The following CLCN2 variants were observed in gnomAD, a reference collection of about 807,000 sequenced individuals.
The protein encoded by CLCN2 is chloride channel protein 2.
CLCN2 carries 72 observed loss-of-function variants against 108.3 expected under a neutral mutation model. The observed-to-expected ratio is 0.66, with a 90% confidence interval of 0.55 to 0.81. The LOEUF is 0.81. Among genes scored for constraint, CLCN2 ranks in the 30% least tolerant of loss-of-function variants. CLCN2 has a pLI of 0.00. For missense variants in CLCN2, 1,048 were observed against 1,205.2 expected (o/e 0.87, Z 1.93); for synonymous variants, 471 against 467.1 (o/e 1.01, Z -0.11).
chr3:184,359,496 G>T (rs1711692256), intron 1 of CLCN2, among the ~76,000 whole-genome samples: 1 of 152,208 alleles, frequency 6.6e-6, no homozygotes, highest in Non-Finnish European at 1.5e-5. Context: ...GGAAGGCCAG[G>T]GAGTAAGGGA....
chr3:184,352,583 G>T (rs770513959), intron 19 of CLCN2, 87 bp from the exon 20 acceptor site: 2 of 1,490,250 alleles, frequency 1.3e-6, no homozygotes. Flanking sequence ...GGAGCCCAGG[G>T]GAAAGGGCAC....
Position 184,355,847 on chromosome 3 carries a change from G to A in CLCN2, c.1086-69C>T. ...GGGTGGCCTCGCATATCTCAGGGCTGAGGTCAGAGCAGAGCCTTGGCTCTT... is the reference window on the plus strand; with the variant it reads ...GGGTGGCCTCGCATATCTCAGGGCTAAGGTCAGAGCAGAGCCTTGGCTCTT... On this transcript the variant is annotated intron_variant, in intron 10 of 23. Coordinates refer to ENST00000265593, the MANE Select transcript of CLCN2 (RefSeq NM_004366.6). The surrounding 1 kb of genome is among the most constrained non-coding windows in gnomAD (Gnocchi z 6.3). 4 of 1,260,864 alleles carry A rather than the reference G, an allele frequency of 3.2e-6. No homozygotes were observed. The highest frequency in any genetic ancestry group is 2.4e-5 in the East Asian group (1 of 42,134). 78.1% of individuals were successfully genotyped at this position (1,260,864 alleles called of 1,614,324 possible).
rs1240304411 is a variant in CLCN2 at position 184,346,446 on chromosome 3, A to C, written c.*160T>G. The C allele has an allele frequency of 3.9e-6, 3 of 771,558 alleles. No homozygotes were observed. The highest frequency in any genetic ancestry group is 6.5e-6 in the Non-Finnish European group (3 of 459,598). 47.8% of individuals were successfully genotyped at this position (771,558 alleles called of 1,614,324 possible). ...GTGGGTAGTGGGTCAGATTCCAGGT[A>C]GGATGAACTGGGAGAAGCTGGCACC... On this transcript the variant is annotated 3_prime_UTR_variant, in exon 24 of 24. Transcript: ENST00000265593. The surrounding 1 kb of genome is among the most constrained non-coding windows in gnomAD (Gnocchi z 6.0).
intron 22 of CLCN2, among the ~76,000 whole-genome samples, chr3:184,351,008 A>G (rs574457829): frequency 2.0e-3 from 305 of 152,224 alleles, no homozygotes; most frequent in African/African-American, 5.8e-3. Flanking sequence ...TCTCAGGCCT[A>G]TTACCTTTTT....
intron 3 of CLCN2, 55 bp downstream of exon 3, chr3:184,358,627 G>A: frequency 6.5e-7 from 1 of 1,547,446 alleles, no homozygotes. Flanking sequence ...GACGAGTGTG[G>A]CATGGACGCA....
chr3:184,358,643 T>C, intron 3 of CLCN2, 39 bp downstream of exon 3: 3 of 1,553,500 alleles, frequency 1.9e-6, no homozygotes, highest in Non-Finnish European at 2.6e-6. Flanking sequence ...ACGCAGGAGG[T>C]TTATTCCCAG....
At chr3:184,356,128 A>C in intron 10 of CLCN2, 1 of 354,818 alleles carries the variant, frequency 2.8e-6, no homozygotes, top group South Asian at 2.4e-5. Context: ...TGGGGTGGAG[A>C]AGTTTCTGCC....
chr3:184,349,914 G>C (rs894509691), intron 22 of CLCN2, among the ~76,000 whole-genome samples: 1 of 152,104 alleles, frequency 6.6e-6, no homozygotes, highest in Non-Finnish European at 1.5e-5. Context: ...CTTATTAGCC[G>C]GCACAGCGAT....
intron 1 of CLCN2, 97 bp from the exon 2 acceptor site, chr3:184,359,228 C>G: frequency 7.0e-7 from 1 of 1,424,166 alleles, no homozygotes; most frequent in Admixed American, 1.7e-5. Flanking sequence ...TCCCAGCCCC[C>G]ACACTGGATA....
intron 22 of CLCN2, chr3:184,347,310 G>A (rs752139925): frequency 7.2e-5 from 34 of 472,330 alleles, no homozygotes; most frequent in Middle Eastern, 6.1e-4. Flanking sequence ...AGGGGGACGT[G>A]GGACAGAACA....
At chr3:184,354,420 C>T in intron 14 of CLCN2, 106 bp from the exon 15 acceptor site, 1 of 1,339,584 alleles carries the variant, frequency 7.5e-7, no homozygotes, top group Non-Finnish European at 1.1e-6. Context: ...CAATACAGTC[C>T]TGGGATTGGA....
At position 184,346,499 on chromosome 3, in the gene CLCN2, C is replaced by A. The variant is rs1480469298; in HGVS notation, c.*107G>T. 1 of 1,346,300 alleles carries A rather than the reference C, an allele frequency of 7.4e-7. No individual in the cohort carries two copies. The highest frequency in any genetic ancestry group is 1.0e-6 in the Non-Finnish European group (1 of 958,674). The allele number at this position is 1,346,300 out of a possible 1,614,324, so 83.4% of individuals were successfully genotyped here. A position where few individuals can be genotyped will look rare whatever the true frequency, so the allele number is the denominator to read the frequency against. On this transcript the variant is annotated 3_prime_UTR_variant, in exon 24 of 24. Coordinates refer to ENST00000265593, the MANE Select transcript of CLCN2 (RefSeq NM_004366.6). The surrounding 1 kb of genome is among the most constrained non-coding windows in gnomAD (Gnocchi z 6.0). ...AGGTCTGGAGGGGGCTGGGGTGCAG[C>A]CTCCAGCTGTAGCTGCCTCCTGCCT... is the stretch of plus-strand genomic sequence containing the variant.
At position 184,355,155 on chromosome 3, in the gene CLCN2, T is replaced by C; in HGVS notation, c.1327-182A>G. 1 of 771,278 alleles carries C rather than the reference T, an allele frequency of 1.3e-6. No homozygotes were observed. The highest frequency in any genetic ancestry group is 2.2e-6 in the Non-Finnish European group (1 of 448,674). The allele number at this position is 771,278 out of a possible 1,614,324, so 47.8% of individuals were successfully genotyped here. A position where few individuals can be genotyped will look rare whatever the true frequency, so the allele number is the denominator to read the frequency against. On this transcript the variant is annotated intron_variant, in intron 12 of 23. Coordinates refer to ENST00000265593, the MANE Select transcript of CLCN2 (RefSeq NM_004366.6). This position sits in a 1 kb window ranked among gnomAD's most constrained non-coding sequence, Gnocchi z 6.3. ...CAGGTGATGGCAAGGGGAAGGACTC[T>C]GGAAGCAGATGGCTTGGGTTCAGAT...
In CLCN2 at chr3:184,346,763, C is replaced by T; in HGVS notation, c.2540G>A (p.Gly847Asp). The change falls in exon 24 of 24, where the codon GGT (glycine) becomes GAT (aspartate). Residue 847 changes from glycine to aspartate, a missense_variant. Physicochemically the swap from Gly to Asp is moderately conservative, Grantham distance 94. Coordinates refer to ENST00000265593, the MANE Select transcript of CLCN2 (RefSeq NM_004366.6). The surrounding 1 kb of genome is among the most constrained non-coding windows in gnomAD (Gnocchi z 6.0). ...GGCGAGGGGCGGCCGGACTTTCACA[C>T]CCTGTGCTGTGACAGAGCCCTCGAT... is the stretch of plus-strand genomic sequence containing the variant. ...KAIEGSVTAQ[G>D]VKVRPPLASF... 3 of 1,614,162 alleles carry T rather than the reference C, an allele frequency of 1.9e-6. No homozygotes were observed. Among genetic ancestry groups the T allele is most frequent in the Non-Finnish European group, 2.5e-6 (3 of 1,180,038 alleles).
In CLCN2 at chr3:184,346,706, T is replaced by TCACTG; in HGVS notation, c.2592_2596dup (p.Asp866AlafsTer46). ...TGCATGCACCTCAGTGGTCTCCGTGTCACTGCTGCTGGTGGCACTGTCTCG... is the reference window on the plus strand; with the variant it reads ...TGCATGCACCTCAGTGGTCTCCGTGTCACTGCACTGCTGCTGGTGGCACTGTCTCG... On this transcript the variant is annotated frameshift_variant, in exon 24 of 24. Coordinates refer to ENST00000265593, the MANE Select transcript of CLCN2 (RefSeq NM_004366.6). LOFTEE classifies it high-confidence loss of function. The surrounding 1 kb of genome is among the most constrained non-coding windows in gnomAD (Gnocchi z 6.0). The TCACTG allele has an allele frequency of 6.2e-7, 1 of 1,614,120 alleles. No homozygotes were observed. The highest frequency in any genetic ancestry group is 8.5e-7 in the Non-Finnish European group (1 of 1,180,010).
intron 14 of CLCN2, 68 bp from the exon 15 acceptor site, chr3:184,354,382 G>C: frequency 1.3e-6 from 2 of 1,500,060 alleles, no homozygotes; most frequent in Non-Finnish European, 1.8e-6. Flanking sequence ...AACCAGGGCA[G>C]GTCCTGAGTG....
At chr3:184,358,408 A>G in intron 3 of CLCN2, 98 bp from the exon 4 acceptor site, 5 of 1,552,520 alleles carry the variant, frequency 3.2e-6, no homozygotes, top group Non-Finnish European at 4.4e-6. Flanking sequence ...AGGGAGTACC[A>G]CACAGAGTCA....
Position 184,355,380 on chromosome 3 carries a change from G to C in CLCN2, c.1320C>G (p.Leu440=). 6.2e-7 allele frequency: 1 copy of C among 1,613,846 alleles called. No individual in the cohort carries two copies. ...GTACACGTGAGGAGCCCACCTTCAT[G>C]AGAATGAAGATGACCAGGGTGAGGA... ...NVFLTLVIFI[L]MKFWMSALAT... is the part of the protein sequence containing the mutation. Residue 440 remains leucine, a synonymous_variant, in exon 12 of 24, where the codon CTC becomes CTG. Coordinates refer to ENST00000265593, the MANE Select transcript of CLCN2 (RefSeq NM_004366.6). The surrounding 1 kb of genome is among the most constrained non-coding windows in gnomAD (Gnocchi z 6.3).
At position 184,352,776 on chromosome 3, in the gene CLCN2, G is replaced by C. The variant is rs1439179594; in HGVS notation, c.2178C>G (p.Ser726Arg). ...SAESAGIALR[S>R]LFCGSPPPEA... ...CAGGGGGTGGACTGCCACAGAAGAG[G>C]CTCCGGAGGGCGATGCCTGCCGACT... Residue 726 changes from serine (S) to arginine (R), a missense_variant, in exon 19 of 24, where the codon AGC becomes AGG. Transcript: ENST00000265593. 3.7e-6 allele frequency: 6 copies of C among 1,613,208 alleles called. No homozygotes were observed. Among genetic ancestry groups the C allele is most frequent in the African/African-American group, 2.7e-5 (2 of 75,072 alleles).
Sources: gnomAD v4.1 joint callset for allele counts (sites outside exome capture counted in the v4.1 genomes callset) on GRCh38, gnomAD v4.1.1 for gene constraint, Gnocchi (gnomAD v3.1) non-coding constraint, MANE v1.5 for transcripts, NCBI Gene and HGNC (gene_info 2026-07-23, HGNC 2026-07-21) for gene names.